The following SORL1 variants were observed in gnomAD, a reference collection of about 807,000 sequenced individuals.
The protein encoded by SORL1 is sortilin-related receptor.
Under a neutral mutation model 273.7 loss-of-function variants are expected in SORL1, and 127 were observed. That is an observed-to-expected ratio of 0.46 (90% CI 0.40 to 0.54). The LOEUF (loss-of-function observed/expected upper bound fraction) is 0.54. SORL1 is among the 20% of genes least tolerant of loss of function. The pLI is 0.00. For synonymous variants in SORL1, 1,031 were observed against 1,067.4 expected, an observed-to-expected ratio of 0.97 and a Z score of 0.66; for missense variants, 2,494 against 2,846.1, an observed-to-expected ratio of 0.88 and a Z score of 2.81.
At chr11:121,611,336 A>T (rs1387969477) in intron 39 of SORL1, 178 bp downstream of exon 39, 5 of 509,182 alleles carry the variant, frequency 9.8e-6, no homozygotes, top group African/African-American at 9.7e-5. Flanking sequence ...CATGAAGAAC[A>T]ACTTGAGTCT....
At position 121,522,895 on chromosome 11, in the gene SORL1, ATTAT is replaced by A. The variant is rs781596539; in HGVS notation, c.1523-18_1523-15del. The A allele has an allele frequency of 9.4e-6, 15 of 1,599,216 alleles. No homozygotes were observed. Among genetic ancestry groups the A allele is most frequent in the Non-Finnish European group, 1.3e-5 (15 of 1,166,502 alleles). On this transcript the variant is annotated splice_polypyrimidine_tract_variant and intron_variant, in intron 10 of 47. Coordinates refer to ENST00000260197, the MANE Select transcript of SORL1 (RefSeq NM_003105.6). ...TGACATATTCTTGAAATTAAAAATAATTATTTCTCTTGCATTTTAGGCTCAGTGG... is the reference window on the plus strand; with the variant it reads ...TGACATATTCTTGAAATTAAAAATAATTCTCTTGCATTTTAGGCTCAGTGG...
chr11:121,563,444 G>A lies in SORL1; in HGVS notation c.3050-3496G>A, dbSNP rs1862707270. On this transcript the variant is annotated intron_variant, in intron 21 of 47. Transcript: ENST00000260197. This position sits in a 1 kb window ranked among gnomAD's most constrained non-coding sequence, Gnocchi z 4.2. ...AGAGTCTCGTTCTGTTACCCCGGCT[G>A]GAGTGCAGTGATGTGATCTTGGCTC... Among the ~76,000 whole-genome samples, 1 of 152,134 alleles carries A rather than the reference G, an allele frequency of 6.6e-6. No homozygotes were observed. The highest frequency in any genetic ancestry group is 2.4e-5 in the African/African-American group (1 of 41,424).
rs553467173 is a variant in SORL1, at chr11:121,584,528, C to T, written c.3706+945C>T. 7.4e-4 allele frequency among the ~76,000 whole-genome samples: 112 copies of T among 152,106 alleles called. 2 individuals are homozygous for T. Among genetic ancestry groups the T allele is most frequent in the African/African-American group, 2.6e-3 (109 of 41,484 alleles). On this transcript the variant is annotated intron_variant, in intron 26 of 47. Coordinates refer to ENST00000260197, the MANE Select transcript of SORL1 (RefSeq NM_003105.6). ...CATTTTCATACTTATACCTAATCCT[C>T]AAGGAACTATTCTACACAGAGCTCA...
intron 45 of SORL1, among the ~76,000 whole-genome samples, chr11:121,623,591 A>G (rs1863753712): frequency 6.6e-6 from 1 of 152,240 alleles, no homozygotes. Context: ...GTATTTTACA[A>G]ATGATCGACA....
At chr11:121,534,425 C>T (rs1022577180) in intron 12 of SORL1, among the ~76,000 whole-genome samples, 1 of 152,186 alleles carries the variant, frequency 6.6e-6, no homozygotes, top group African/African-American at 2.4e-5. Context: ...ATAAAGCCTT[C>T]CCCAGACATT....
chr11:121,558,958 T>C (rs1281464771), intron 20 of SORL1, 121 bp downstream of exon 20: 1 of 1,323,534 alleles, frequency 7.6e-7, no homozygotes, highest in Non-Finnish European at 1.0e-6. Flanking sequence ...TTGCCTTTTT[T>C]CCAAATTTGA....
chr11:121,527,802 G>A (rs1322128939), intron 11 of SORL1, among the ~76,000 whole-genome samples: 1 of 152,020 alleles, frequency 6.6e-6, no homozygotes, highest in Admixed American at 6.6e-5. Context: ...TTTAATGTCT[G>A]TAGGATCTTT....
intron 14 of SORL1, among the ~76,000 whole-genome samples, chr11:121,548,442 C>A (rs1862464506): frequency 6.6e-6 from 1 of 152,196 alleles, no homozygotes; most frequent in African/African-American, 2.4e-5. Flanking sequence ...AAAACTGCTG[C>A]CTTTTGAACA....
rs145218712 is a variant in SORL1 at position 121,621,151 on chromosome 11, C to T, written c.5977C>T (p.Leu1993Phe). The T allele has an allele frequency of 1.2e-4, 199 of 1,614,078 alleles. 1 individual carries two copies. In the African/African-American group the frequency reaches 1.7e-3, roughly 14 times the overall value. ...CCGTAACAGCACTGTGGAATACACC[C>T]TTAACAAGTTGGAGCCTGGCGGGAA... The part of the protein sequence containing the change: ...KSRNSTVEYT[L>F]NKLEPGGKYH... The change falls in exon 44 of 48, where the codon CTT becomes TTT. Residue 1993 changes from leucine (L) to phenylalanine (F), a missense_variant. Physicochemically the swap from Leu to Phe is conservative, Grantham distance 22 (BLOSUM62 0). Coordinates refer to ENST00000260197, the MANE Select transcript of SORL1 (RefSeq NM_003105.6).
intron 40 of SORL1, among the ~76,000 whole-genome samples, 159 bp downstream of exon 40, chr11:121,612,991 T>C (rs1863589110): frequency 1.3e-5 from 2 of 152,194 alleles, no homozygotes; most frequent in South Asian, 4.1e-4. Flanking sequence ...ATCCTATAAG[T>C]GTGCTGCTGA....
chr11:121,455,169 AGCAGAT>A (rs1860882639), intron 1 of SORL1, among the ~76,000 whole-genome samples: 1 of 152,098 alleles, frequency 6.6e-6, no homozygotes, highest in Non-Finnish European at 1.5e-5. Context: ...GAGGAGAGCA[AGCAGAT>A]GCAGATACAG....
intron 32 of SORL1, among the ~76,000 whole-genome samples, chr11:121,598,806 C>T (rs1863340841): frequency 6.6e-6 from 1 of 152,188 alleles, no homozygotes; most frequent in Non-Finnish European, 1.5e-5. Context: ...TCTCCTAACA[C>T]TTGGCTTTTC....
At chr11:121,486,479 TC>T (rs1861473698) in intron 3 of SORL1, among the ~76,000 whole-genome samples, 1 of 150,462 alleles carries the variant, frequency 6.6e-6, no homozygotes, top group Non-Finnish European at 1.5e-5. Context: ...TTTCTTTCTT[TC>T]TTTTTTTTTT....
chr11:121,628,677 G>A (rs1252447831), intron 47 of SORL1, among the ~76,000 whole-genome samples: 1 of 152,208 alleles, frequency 6.6e-6, no homozygotes, highest in Admixed American at 6.5e-5. Flanking sequence ...TGCTAATAGA[G>A]ATAGTAAGAT....
chr11:121,454,505 C>G (rs1320637895), intron 1 of SORL1, among the ~76,000 whole-genome samples: 2 of 152,176 alleles, frequency 1.3e-5, no homozygotes, highest in Non-Finnish European at 2.9e-5. Flanking sequence ...CTGGGCCAGC[C>G]AGATTGAGTT....
Position 121,577,346 on chromosome 11 carries a change from G to A in SORL1, c.3526G>A (p.Val1176Ile). The part of the protein sequence containing the change: ...SSGMCIRSSW[V>I]CDGDNDCRDW... Reference sequence around the variant, plus strand: ...CGGCATGTGCATCCGCTCCTCCTGGGTATGTGACGGGGACAACGACTGCAG... The same window carrying A: ...CGGCATGTGCATCCGCTCCTCCTGGATATGTGACGGGGACAACGACTGCAG... The change falls in exon 25 of 48, where the codon GTA (valine) becomes ATA (isoleucine). Residue 1176 changes from valine (V) to isoleucine (I), a missense_variant. Transcript: ENST00000260197. The A allele has an allele frequency of 6.2e-7, 1 of 1,613,682 alleles. No homozygotes were observed. Among genetic ancestry groups the A allele is most frequent in the Non-Finnish European group, 8.5e-7 (1 of 1,179,748 alleles).
chr11:121,503,935 A>C (rs906776042), intron 6 of SORL1, among the ~76,000 whole-genome samples: 4 of 152,230 alleles, frequency 2.6e-5, no homozygotes, highest in African/African-American at 9.6e-5. Flanking sequence ...CAAAAACCAC[A>C]GATAGGATTT....
chr11:121,625,492 C>T (rs995325401), intron 46 of SORL1, among the ~76,000 whole-genome samples: 20 of 152,092 alleles, frequency 1.3e-4, no homozygotes, highest in African/African-American at 4.3e-4. Context: ...ACAGGGGGAC[C>T]GGATTCTGAA....
chr11:121,509,125 T>C (rs1237957555), intron 6 of SORL1, among the ~76,000 whole-genome samples: 2 of 152,060 alleles, frequency 1.3e-5, no homozygotes, highest in Non-Finnish European at 2.9e-5. Context: ...TTTTTTTTTT[T>C]TTTTTGTAAA....
Sources: gnomAD v4.1 joint callset for allele counts (sites outside exome capture counted in the v4.1 genomes callset) on GRCh38, gnomAD v4.1.1 for gene constraint, Gnocchi (gnomAD v3.1) non-coding constraint, MANE v1.5 for transcripts, NCBI Gene and HGNC (gene_info 2026-07-23, HGNC 2026-07-21) for gene names.